COL22A1: variants seen among roughly 807,000 people sequenced by gnomAD.
The protein encoded by COL22A1 is collagen alpha-1(XXII) chain.
Under a neutral mutation model 248.9 loss-of-function variants are expected in COL22A1, and 221 were observed. The ratio of observed to expected loss-of-function variants is 0.89; its 90% confidence interval spans 0.80 to 0.99. COL22A1 has a LOEUF of 0.99. Among genes scored for constraint, COL22A1 ranks in the 50% least tolerant of loss-of-function variants. The pLI is 0.00. For synonymous variants in COL22A1, 891 were observed against 793.4 expected, an observed-to-expected ratio of 1.12 and a Z score of -2.07; for missense variants, 2,240 against 2,179.0, an observed-to-expected ratio of 1.03 and a Z score of -0.56.
intron 15 of COL22A1, 49 bp from the exon 16 acceptor site, chr8:138,776,059 C>G: frequency 1.9e-6 from 3 of 1,595,340 alleles, no homozygotes; most frequent in Non-Finnish European, 2.6e-6. Context: ...TCTGGCTTCT[C>G]TGTGCTCACC....
intron 44 of COL22A1, among the ~76,000 whole-genome samples, chr8:138,657,187 A>T (rs1029404927): frequency 1.7e-4 from 25 of 145,620 alleles, no homozygotes; most frequent in African/African-American, 5.8e-4. Flanking sequence ...CTTAGGATGC[A>T]GCGGCTAAAG....
At position 138,821,118 on chromosome 8, in the gene COL22A1, AG is replaced by A; in HGVS notation, c.1245+17del. The A allele has an allele frequency of 6.2e-7, 1 of 1,605,890 alleles. No individual in the cohort carries two copies. The highest frequency in any genetic ancestry group is 1.1e-5 in the South Asian group (1 of 90,866). ...GGTGGCCTGGAACCTGGGCTGCAGA[AG>A]GCCCCCTGGTACTCACGTCAATGGG... On this transcript the variant is annotated intron_variant, in intron 7 of 64. Transcript: ENST00000303045.
At chr8:138,754,699 G>C (rs1423970191) in intron 21 of COL22A1, among the ~76,000 whole-genome samples, 1 of 152,056 alleles carries the variant, frequency 6.6e-6, no homozygotes, top group African/African-American at 2.4e-5. Flanking sequence ...TAAATTCTTA[G>C]CAGGGGGAGA....
chr8:138,615,861 GC>G, intron 55 of COL22A1, 139 bp downstream of exon 55: 1 of 642,272 alleles, frequency 1.6e-6, no homozygotes, highest in Non-Finnish European at 2.7e-6. Flanking sequence ...TCTCATCCTT[GC>G]CAACCAATCC....
intron 16 of COL22A1, among the ~76,000 whole-genome samples, chr8:138,768,475 C>A (rs1046510738): frequency 2.6e-5 from 4 of 152,248 alleles, no homozygotes; most frequent in Non-Finnish European, 5.9e-5. Flanking sequence ...CATGCAGGTG[C>A]TCCTCTTTCC....
intron 35 of COL22A1, among the ~76,000 whole-genome samples, 162 bp downstream of exon 35, chr8:138,693,484 C>G (rs1394046961): frequency 2.0e-5 from 3 of 152,202 alleles, no homozygotes; most frequent in African/African-American, 7.2e-5. Context: ...AGGCCAGAAC[C>G]TCTCTCCGTG....
intron 14 of COL22A1, among the ~76,000 whole-genome samples, chr8:138,779,068 C>T (rs1047265417): frequency 7.2e-5 from 11 of 152,208 alleles, no homozygotes; most frequent in African/African-American, 1.4e-4. Context: ...CACACATGCA[C>T]GCATATTCAG....
chr8:138,912,678 G>A (rs572162066), intron 1 of COL22A1, among the ~76,000 whole-genome samples: 2 of 152,138 alleles, frequency 1.3e-5, no homozygotes, highest in Non-Finnish European at 2.9e-5. Flanking sequence ...GGGAGGCAGA[G>A]GTCACAGTGA....
At chr8:138,886,523 A>G (rs944516577) in intron 1 of COL22A1, among the ~76,000 whole-genome samples, 2 of 152,200 alleles carry the variant, frequency 1.3e-5, no homozygotes, top group Non-Finnish European at 2.9e-5. Context: ...AATCGAGACT[A>G]TTGGCAGTTT....
intron 24 of COL22A1, 66 bp downstream of exon 24, chr8:138,725,321 C>T: frequency 6.6e-7 from 1 of 1,505,140 alleles, no homozygotes; most frequent in Admixed American, 1.7e-5. Flanking sequence ...CAAAGATGTC[C>T]CCAGGTCCCA....
intron 1 of COL22A1, among the ~76,000 whole-genome samples, chr8:138,887,289 A>G (rs1239706264): frequency 6.7e-6 from 1 of 148,694 alleles, no homozygotes; most frequent in African/African-American, 2.5e-5. Flanking sequence ...CAGTGGTGCC[A>G]TCTCAGCTCA....
At chr8:138,911,324 A>G (rs1815437437) in intron 1 of COL22A1, among the ~76,000 whole-genome samples, 1 of 152,238 alleles carries the variant, frequency 6.6e-6, no homozygotes, top group South Asian at 2.1e-4. Context: ...TCTTCTCTGC[A>G]CTAGAAGACC....
intron 1 of COL22A1, among the ~76,000 whole-genome samples, chr8:138,887,233 T>C (rs541294277): frequency 5.9e-4 from 89 of 152,030 alleles, no homozygotes; most frequent in African/African-American, 2.1e-3. Flanking sequence ...CTCATTGTTT[T>C]TTTTTTTTTT....
chr8:138,826,734 G>T lies in COL22A1; in HGVS notation c.893C>A (p.Thr298Asn). ...GLPDEYAFVT[T>N]FRFRKTSRKE... is the part of the protein sequence containing the mutation. ...CCGAGAGGTTTTCCTGAACCGGAAG[G>T]TTGTGACAAAGGCGTACTCATCAGG... The change falls in exon 6 of 65, where the codon ACC becomes AAC. Residue 298 changes from threonine (T) to asparagine (N), a missense_variant. Transcript: ENST00000303045. The T allele has an allele frequency of 1.2e-6, 2 of 1,614,058 alleles. No homozygotes were observed. Among genetic ancestry groups the T allele is most frequent in the Non-Finnish European group, 1.7e-6 (2 of 1,179,966 alleles).
intron 51 of COL22A1, 96 bp from the exon 52 acceptor site, chr8:138,623,881 A>T: frequency 9.6e-7 from 1 of 1,039,822 alleles, no homozygotes; most frequent in South Asian, 1.5e-5. Flanking sequence ...CCCAGCTTCC[A>T]GCAGTTGCCT....
intron 23 of COL22A1, among the ~76,000 whole-genome samples, chr8:138,730,060 A>G (rs940155626): frequency 6.6e-6 from 1 of 152,186 alleles, no homozygotes; most frequent in African/African-American, 2.4e-5. Context: ...GCACTCCCCC[A>G]AAAGGAAGGG....
chr8:138,725,412 C>G lies in COL22A1; in HGVS notation c.2168G>C (p.Gly723Ala), dbSNP rs372171938. ...CGGAGAACCTCCCGGTCCAGGGGGG[C>G]CTGGGACACCAGGGGGTCCTGGAGG... ...QGPPGPPGVP[G>A]PPGPGGSPGL... The change falls in exon 24 of 65, where the codon GGC becomes GCC. Residue 723 changes from glycine to alanine, a missense_variant. Gly to Ala is a moderately conservative substitution (Grantham distance 60). Transcript: ENST00000303045. 3.2e-5 allele frequency: 51 copies of G among 1,613,892 alleles called. No homozygotes were observed. The highest frequency in any genetic ancestry group is 1.3e-4 in the African/African-American group (10 of 74,906).
chr8:138,858,697 G>A (rs949762107), intron 3 of COL22A1, among the ~76,000 whole-genome samples: 2 of 152,192 alleles, frequency 1.3e-5, no homozygotes, highest in African/African-American at 2.4e-5. Flanking sequence ...CTCAGTGCTC[G>A]ACCCCGGGTG....
intron 55 of COL22A1, among the ~76,000 whole-genome samples, chr8:138,615,485 C>A (rs1348067938): frequency 6.7e-6 from 1 of 149,286 alleles, no homozygotes; most frequent in East Asian, 2.0e-4. Flanking sequence ...AAGATGAGAT[C>A]ACGCCAATGC....
Sources: allele counts gnomAD v4.1 joint callset (sites outside exome capture counted in the v4.1 genomes callset), GRCh38; gene constraint gnomAD v4.1.1; transcripts MANE v1.5; gene names NCBI Gene and HGNC (gene_info 2026-07-23, HGNC 2026-07-21).